CCDC144A: variants seen among roughly 807,000 people sequenced by gnomAD.
CCDC144A encodes the protein coiled-coil domain-containing protein 144A.
Under a neutral mutation model 143.8 loss-of-function variants are expected in CCDC144A, and 41 were observed. The observed-to-expected ratio is 0.29, with a 90% CI of 0.22 to 0.37. CCDC144A has a LOEUF of 0.37. Ranked by LOEUF, CCDC144A falls within the 10% of genes least tolerant of loss-of-function variation. The pLI is 1.00. For synonymous variants in CCDC144A, 242 were observed against 517.9 expected (o/e 0.47, Z 7.23); for missense variants, 637 against 1,488.8 (o/e 0.43, Z 9.41).
At chr17:16,737,207 C>A (rs970727677) in intron 12 of CCDC144A, among the ~76,000 whole-genome samples, 4 of 139,076 alleles carry the variant, frequency 2.9e-5, no homozygotes, top group Admixed American at 7.5e-5. Context: ...CGCTCTGTCG[C>A]CCAGGCTGGA....
rs1251561838 is a variant in CCDC144A, at chr17:16,745,859, G to C, written c.3372+10216G>C. 6 of 1,595,936 alleles carry C rather than the reference G, an allele frequency of 3.8e-6. No homozygotes were observed. The African/African-American group carries it at 6.7e-5, about 18-fold the overall frequency. ...CCTCCCCCGGAGCCCCGCTGTCCTG[G>C]CTCCCCTTCTTCCCTCTGTCTTGGC... is the stretch of plus-strand genomic sequence containing the variant. On this transcript the variant is annotated intron_variant, in intron 12 of 16. Transcript: ENST00000399273.
At chr17:16,673,693 G>T in the CCDC144A span, among the ~76,000 whole-genome samples, 9 of 152,070 alleles carry the variant, frequency 5.9e-5, no homozygotes, top group East Asian at 1.4e-3. Context: ...GCCTATCTTC[G>T]TTTTTAAAAT....
chr17:16,681,595 C>A, the CCDC144A span, among the ~76,000 whole-genome samples: 2 of 152,050 alleles, frequency 1.3e-5, no homozygotes, highest in African/African-American at 4.8e-5. Flanking sequence ...TGGTGGCTCA[C>A]GCCTGTAATC....
At chr17:16,681,485 A>G in the CCDC144A span, among the ~76,000 whole-genome samples, 3 of 152,180 alleles carry the variant, frequency 2.0e-5, no homozygotes, top group African/African-American at 7.2e-5. Context: ...GATCAGTGGA[A>G]AAGTATGTAA....
Position 16,775,762 on chromosome 17 carries a change from G to C in CCDC144A, c.*2129G>C, listed in dbSNP as rs951639468. 2 of 152,176 alleles carry C rather than the reference G, an allele frequency of 1.3e-5. No individual in the cohort carries two copies. Among genetic ancestry groups the C allele is most frequent in the African/African-American group, 4.8e-5 (2 of 41,416 alleles). The allele number at this position is 152,176 out of a possible 1,614,324, so 9.4% of individuals were successfully genotyped here. A position where few individuals can be genotyped will look rare whatever the true frequency, so the allele number is the denominator to read the frequency against. ...TGTTGCAATTGCTTTTGGCATCTTC[G>C]TCATGAAATCTTTGCCCTTGCCTGT... On this transcript the variant is annotated 3_prime_UTR_variant, in exon 17 of 17. Transcript: ENST00000399273.
At chr17:16,667,593 T>C in the CCDC144A span, among the ~76,000 whole-genome samples, 1 of 152,072 alleles carries the variant, frequency 6.6e-6, no homozygotes, top group African/African-American at 2.4e-5. Flanking sequence ...CAGCCACTTG[T>C]TTTCTCACTG....
intron 15 of CCDC144A, among the ~76,000 whole-genome samples, chr17:16,770,074 A>C (rs1445850715): frequency 6.6e-6 from 1 of 151,428 alleles, no homozygotes; most frequent in Non-Finnish European, 1.5e-5. Flanking sequence ...GATCCACCCA[A>C]TTCAGCCTCC....
chr17:16,703,755 A>G (rs1339018728), intron 2 of CCDC144A, among the ~76,000 whole-genome samples: 1 of 152,172 alleles, frequency 6.6e-6, no homozygotes, highest in East Asian at 1.9e-4. Context: ...GTGAGCCGAG[A>G]TCGCGCCACT....
intron 15 of CCDC144A, among the ~76,000 whole-genome samples, chr17:16,767,454 C>T (rs1300655549): frequency 7.7e-6 from 1 of 130,518 alleles, no homozygotes; most frequent in Non-Finnish European, 1.5e-5. Flanking sequence ...AAAACATCAG[C>T]TAATACAAGG....
intron 6 of CCDC144A, among the ~76,000 whole-genome samples, chr17:16,719,463 T>C (rs1912963548): frequency 1.3e-5 from 2 of 152,238 alleles, no homozygotes; most frequent in African/African-American, 4.8e-5. Context: ...TCATCTGCTA[T>C]CATCTCTCTT....
chr17:16,732,587 A>C lies in CCDC144A; in HGVS notation c.2339A>C (p.Asp780Ala), dbSNP rs1005192233. ...DAQKQLSEEQ[D>A]ARILQDQILT... ...CAGAAGCAACTTTCTGAAGAACAGGATGCCAGAATATTACAAGATCAGATT... is the reference window on the plus strand; with the variant it reads ...CAGAAGCAACTTTCTGAAGAACAGGCTGCCAGAATATTACAAGATCAGATT... The change falls in exon 11 of 17, where the codon GAT becomes GCT. Residue 780 changes from aspartate to alanine, a missense_variant. Asp to Ala is a moderately radical substitution (Grantham distance 126). Transcript: ENST00000399273. The C allele has an allele frequency of 1.9e-6, 3 of 1,610,472 alleles. No homozygotes were observed. The highest frequency in any genetic ancestry group is 2.5e-6 in the Non-Finnish European group (3 of 1,178,784).
chr17:16,739,814 A>T (rs1805982651), intron 12 of CCDC144A, among the ~76,000 whole-genome samples: 2 of 151,908 alleles, frequency 1.3e-5, no homozygotes, highest in Admixed American at 1.3e-4. Context: ...ATTCATTTTC[A>T]GTCCTGTTGC....
In CCDC144A at chr17:16,693,155, A is replaced by C. The variant is rs987592375; in HGVS notation, c.415+106A>C. ...GAAAGAGCAGTTTTAAAAAATCTTT[A>C]TTTCTTTCTTGATAGGTTAGATTTC... is the stretch of plus-strand genomic sequence containing the variant. On this transcript the variant is annotated intron_variant, in intron 2 of 16. Transcript: ENST00000399273. 1.5e-5 allele frequency: 16 copies of C among 1,096,866 alleles called. No homozygotes were observed. In the African/African-American group the frequency reaches 1.8e-4, roughly 12 times the overall value. 67.9% of individuals were successfully genotyped at this position (1,096,866 alleles called of 1,614,324 possible). A position where few individuals can be genotyped will look rare whatever the true frequency, so the allele number is the denominator to read the frequency against.
At chr17:16,730,973 G>T (rs1415651818) in intron 9 of CCDC144A, among the ~76,000 whole-genome samples, 1 of 146,744 alleles carries the variant, frequency 6.8e-6, no homozygotes, top group Non-Finnish European at 1.5e-5. Flanking sequence ...TCTCTTACCT[G>T]ATTGCTCTGG....
chr17:16,760,332 A>G (rs1008129315), intron 12 of CCDC144A, among the ~76,000 whole-genome samples: 1 of 149,000 alleles, frequency 6.7e-6, no homozygotes, highest in African/African-American at 2.6e-5. Flanking sequence ...AACAATCATA[A>G]TTATTTCCTC....
chr17:16,677,760 T>C, the CCDC144A span, among the ~76,000 whole-genome samples: 1 of 150,162 alleles, frequency 6.7e-6, no homozygotes. Flanking sequence ...TGAGCGGAGA[T>C]CATGCCACTG....
At chr17:16,755,709 GC>G (rs1178659365) in intron 12 of CCDC144A, among the ~76,000 whole-genome samples, 5 of 152,162 alleles carry the variant, frequency 3.3e-5, no homozygotes, top group Non-Finnish European at 7.3e-5. Flanking sequence ...ACAGGCATGA[GC>G]CACCATGCCT....
the CCDC144A span, among the ~76,000 whole-genome samples, chr17:16,678,209 AG>A: frequency 6.6e-6 from 1 of 151,992 alleles, no homozygotes; most frequent in Non-Finnish European, 1.5e-5. Context: ...TGACCAGAAA[AG>A]CTACCACTGA....
At chr17:16,667,939 A>T in the CCDC144A span, among the ~76,000 whole-genome samples, 1 of 148,798 alleles carries the variant, frequency 6.7e-6, no homozygotes, top group Non-Finnish European at 1.5e-5. Context: ...CATTTTTGGT[A>T]TCACTTCTGT....
Sources: allele counts gnomAD v4.1 joint callset (sites outside exome capture counted in the v4.1 genomes callset), GRCh38; gene constraint gnomAD v4.1.1; transcripts MANE v1.5; gene names NCBI Gene and HGNC (gene_info 2026-07-23, HGNC 2026-07-21).